The following HDAC9 variants were observed in gnomAD, a reference collection of about 807,000 sequenced individuals.
HDAC9 encodes the protein histone deacetylase 9, also known as MEF-2 interacting transcription repressor (MITR) protein.
In HDAC9, 41 loss-of-function variants were observed where a neutral mutation model predicts 139.4. The observed-to-expected ratio is 0.29, with a 90% CI of 0.23 to 0.38. HDAC9 has a LOEUF of 0.38. HDAC9 is among the 10% of genes least tolerant of loss of function. The probability of loss-of-function intolerance (pLI) is 1.00; values close to 1 mark genes in which losing one functional copy is unlikely to be tolerated. For synonymous variants in HDAC9, 517 were observed against 476.2 expected (o/e 1.09, Z -1.12); for missense variants, 1,147 against 1,297.0 (o/e 0.88, Z 1.78).
chr7:18,644,171 A>C (rs1380379016), intron 8 of HDAC9, among the ~76,000 whole-genome samples: 1 of 152,134 alleles, frequency 6.6e-6, no homozygotes, highest in African/African-American at 2.4e-5. Context: ...AAATGTTTAT[A>C]AGTAAAAAAG....
Position 18,644,766 on chromosome 7 carries a change from G to C in HDAC9, c.1008G>C (p.Gly336=). ...TSPSLPNITL[G]LPAVPSQLNA... ...CTTCTTTGCCCAACATTACCTTGGG[G>C]CTTCCCGCAGTGCCATCCCAGCTCA... The change falls in exon 9 of 26, where the codon GGG becomes GGC. Residue 336 remains glycine (G), a synonymous_variant. Coordinates refer to ENST00000686413, the MANE Select transcript of HDAC9 (RefSeq NM_178425.4). The C allele has an allele frequency of 6.2e-7, 1 of 1,611,628 alleles. No homozygotes were observed. Among genetic ancestry groups the C allele is most frequent in the Non-Finnish European group, 8.5e-7 (1 of 1,178,690 alleles).
chr7:18,941,322 TCA>T (rs1350427773), intron 23 of HDAC9, among the ~76,000 whole-genome samples: 1 of 152,120 alleles, frequency 6.6e-6, no homozygotes, highest in Admixed American at 6.6e-5. Context: ...GACTTGAATT[TCA>T]CAAACAGTGG....
At chr7:18,440,397 C>G (rs1340979477) in intron 1 of HDAC9, among the ~76,000 whole-genome samples, 2 of 151,844 alleles carry the variant, frequency 1.3e-5, no homozygotes, top group Non-Finnish European at 2.9e-5. Context: ...GTTGGTCAGG[C>G]TGGTCTCGAA....
At chr7:18,844,449 T>G (rs1373557808) in intron 21 of HDAC9, among the ~76,000 whole-genome samples, 2 of 152,192 alleles carry the variant, frequency 1.3e-5, no homozygotes, top group African/African-American at 4.8e-5. Flanking sequence ...TTTGAAGATA[T>G]TTTTACATCC....
chr7:18,765,681 A>G (rs1789773099), intron 15 of HDAC9, among the ~76,000 whole-genome samples: 1 of 152,144 alleles, frequency 6.6e-6, no homozygotes, highest in African/African-American at 2.4e-5. Context: ...AGACACTAAA[A>G]TGTACATATA....
chr7:18,948,199 T>A (rs1248790176), intron 23 of HDAC9, among the ~76,000 whole-genome samples: 1 of 151,962 alleles, frequency 6.6e-6, no homozygotes, highest in Non-Finnish European at 1.5e-5. Flanking sequence ...TCAGCATTGT[T>A]CAGGGAATCC....
At chr7:18,556,494 C>T (rs1386354099) in intron 2 of HDAC9, among the ~76,000 whole-genome samples, 1 of 151,986 alleles carries the variant, frequency 6.6e-6, no homozygotes, top group African/African-American at 2.4e-5. Context: ...TTTACGATAG[C>T]AGTATCCTAT....
chr7:18,678,604 A>G (rs1781682626), intron 12 of HDAC9, among the ~76,000 whole-genome samples: 1 of 151,742 alleles, frequency 6.6e-6, no homozygotes, highest in Admixed American at 6.6e-5. Flanking sequence ...TAAATTTTTA[A>G]TTTAAGATCT....
At chr7:18,956,411 C>T (rs1257537147) in intron 24 of HDAC9, among the ~76,000 whole-genome samples, 1 of 152,042 alleles carries the variant, frequency 6.6e-6, no homozygotes, top group Non-Finnish European at 1.5e-5. Context: ...ATCAGGAGGA[C>T]AGGAATCATA....
intron 2 of HDAC9, among the ~76,000 whole-genome samples, chr7:18,269,563 A>G (rs755887961): frequency 3.3e-5 from 5 of 152,086 alleles, no homozygotes; most frequent in African/African-American, 4.8e-5. Context: ...TGTTCGAAAT[A>G]TGAGCATGGG....
Position 18,373,673 on chromosome 7 carries a change from A to G in HDAC9, c.-42+83158A>G, listed in dbSNP as rs192750425. On this transcript the variant is annotated intron_variant, in intron 1 of 3. Transcript: ENST00000413509. ...TGCAATGCTACTTCCCTTGAAATCC[A>G]GGTGAAACTAAAGAAGCTTTGAAGG... 3.0e-4 allele frequency among the ~76,000 whole-genome samples: 45 copies of G among 152,318 alleles called. 1 individual carries two copies. The East Asian group carries it at 7.9e-3, about 27-fold the overall frequency.
intron 2 of HDAC9, among the ~76,000 whole-genome samples, chr7:18,237,193 A>G (rs1793878193): frequency 6.6e-6 from 1 of 152,208 alleles, no homozygotes; most frequent in African/African-American, 2.4e-5. Context: ...AGTTGCTGTG[A>G]AAGAGTCAAC....
chr7:18,607,190 A>G (rs1835757718), intron 6 of HDAC9, among the ~76,000 whole-genome samples: 1 of 152,202 alleles, frequency 6.6e-6, no homozygotes, highest in Non-Finnish European at 1.5e-5. Context: ...TTTGTATGAC[A>G]AGTAGTTGGA....
At chr7:18,109,560 A>G (rs1327765279) in intron 1 of HDAC9, among the ~76,000 whole-genome samples, 4 of 151,148 alleles carry the variant, frequency 2.6e-5, no homozygotes, top group African/African-American at 7.2e-5. Flanking sequence ...AGAGAGGCAC[A>G]TTAAGATATT....
intron 1 of HDAC9, among the ~76,000 whole-genome samples, chr7:18,092,614 A>G (rs539197088): frequency 2.0e-5 from 3 of 152,202 alleles, no homozygotes; most frequent in African/African-American, 4.8e-5. Context: ...CCCATTGTCC[A>G]TTGCCAAAAA....
chr7:18,720,047 G>C (rs1353767853), intron 12 of HDAC9, among the ~76,000 whole-genome samples: 1 of 152,050 alleles, frequency 6.6e-6, no homozygotes, highest in Non-Finnish European at 1.5e-5. Context: ...TACTGTACCT[G>C]TATAGTACAG....
chr7:18,470,505 T>G (rs1017917657), intron 1 of HDAC9, among the ~76,000 whole-genome samples: 1 of 152,188 alleles, frequency 6.6e-6, no homozygotes, highest in Non-Finnish European at 1.5e-5. Context: ...TAAAAGAATC[T>G]TTCACTACAG....
intron 1 of HDAC9, among the ~76,000 whole-genome samples, chr7:18,465,708 T>A (rs1218020356): frequency 6.6e-6 from 1 of 152,164 alleles, no homozygotes; most frequent in Non-Finnish European, 1.5e-5. Flanking sequence ...TGTATTCTTC[T>A]GTCTTTATTT....
At chr7:18,541,546 T>C (rs1224307615) in intron 2 of HDAC9, among the ~76,000 whole-genome samples, 1 of 152,174 alleles carries the variant, frequency 6.6e-6, no homozygotes, top group Non-Finnish European at 1.5e-5. Flanking sequence ...GTCTAAAATA[T>C]TCCATTCTGT....
Sources: allele counts gnomAD v4.1 joint callset (sites outside exome capture counted in the v4.1 genomes callset), GRCh38; gene constraint gnomAD v4.1.1; transcripts MANE v1.5; gene names NCBI Gene and HGNC (gene_info 2026-07-23, HGNC 2026-07-21).